Variants in CUL2 observed in about 807,000 individuals in gnomAD.
CUL2 encodes cullin 2.
In CUL2, 22 loss-of-function variants were observed where a neutral mutation model predicts 110.2. The observed-to-expected ratio is 0.20, with a 90% CI of 0.14 to 0.28. The LOEUF is 0.28. Ranked by LOEUF, CUL2 falls within the 10% of genes least tolerant of loss-of-function variation. The pLI, the probability that CUL2 is intolerant of heterozygous loss-of-function variation, is 1.00. For missense variants in CUL2, 631 were observed against 905.5 expected (o/e 0.70, Z 3.89); for synonymous variants, 279 against 293.2 (o/e 0.95, Z 0.49).
intron 3 of CUL2, 34 bp downstream of exon 3, chr10:35,062,926 A>C: frequency 2.6e-6 from 3 of 1,175,574 alleles, no homozygotes; most frequent in Non-Finnish European, 3.8e-6. Context: ...TACAACTATC[A>C]ACATATTTAT....
At chr10:35,050,203 C>T (rs191285118) in intron 5 of CUL2, among the ~76,000 whole-genome samples, 1 of 152,104 alleles carries the variant, frequency 6.6e-6, no homozygotes, top group African/African-American at 2.4e-5. Context: ...CGCCTGTAAT[C>T]CCAGCTACTC....
At chr10:35,035,405 C>A in intron 9 of CUL2, 109 bp from the exon 10 acceptor site, 1 of 1,268,988 alleles carries the variant, frequency 7.9e-7, no homozygotes. Context: ...TGCAGAGCAC[C>A]CAGAGAAAAG....
At chr10:35,055,993 CAG>C (rs564336397) in intron 4 of CUL2, among the ~76,000 whole-genome samples, 143 of 152,342 alleles carry the variant, frequency 9.4e-4, no homozygotes, top group South Asian at 1.7e-3. Context: ...CCCTGAACCC[CAG>C]AGGAGTTAGC....
chr10:35,109,178 A>G (rs1589067492), intron 1 of CUL2, among the ~76,000 whole-genome samples: 1 of 152,220 alleles, frequency 6.6e-6, no homozygotes, highest in Admixed American at 6.5e-5. Context: ...CACCTAGCAG[A>G]AATGGTTAGG....
chr10:35,075,505 A>T (rs2086793637), intron 1 of CUL2, among the ~76,000 whole-genome samples: 1 of 152,072 alleles, frequency 6.6e-6, no homozygotes, highest in Admixed American at 6.6e-5. Context: ...TGTCCCATCA[A>T]GTTAACTGCA....
chr10:35,053,366 ATT>A (rs1033271214), intron 5 of CUL2, among the ~76,000 whole-genome samples: 33 of 152,136 alleles, frequency 2.2e-4, no homozygotes, highest in African/African-American at 7.9e-4. Flanking sequence ...TTGTGTCCAA[ATT>A]TTTTCATAAA....
rs149948299 is a variant in CUL2, at chr10:35,075,321, T to C, written c.-22-3982A>G. On this transcript the variant is annotated intron_variant, in intron 1 of 20. Transcript: ENST00000374749. ...GAAAATTAAGTTTCTTAAAAATGTT[T>C]AATAATAACATTCAGGGAAAGTTTA... Among the ~76,000 whole-genome samples, 666 of 152,232 alleles carry C rather than the reference T, an allele frequency of 4.4e-3. 4 individuals carry two copies. The highest frequency in any genetic ancestry group is 0.015 in the African/African-American group (636 of 41,530).
At chr10:35,016,444 T>A (rs2085035718) in intron 17 of CUL2, 50 bp from the exon 18 acceptor site, 1 of 1,374,196 alleles carries the variant, frequency 7.3e-7, no homozygotes, top group Middle Eastern at 1.8e-4. Flanking sequence ...AAAGAAACAT[T>A]TCAAATTTAC....
chr10:35,097,273 G>T (rs1439117870), intron 2 of CUL2, among the ~76,000 whole-genome samples: 1 of 151,974 alleles, frequency 6.6e-6, no homozygotes, highest in African/African-American at 2.4e-5. Context: ...TTTGGAAAAA[G>T]CAGCCAGATG....
intron 1 of CUL2, among the ~76,000 whole-genome samples, chr10:35,072,610 C>A (rs566898746): frequency 4.6e-5 from 7 of 152,106 alleles, no homozygotes; most frequent in African/African-American, 7.2e-5. Context: ...CCTCGTGATC[C>A]GCCCACCTCG....
At chr10:35,117,879 T>A (rs1027393571) in intron 1 of CUL2, among the ~76,000 whole-genome samples, 2 of 152,236 alleles carry the variant, frequency 1.3e-5, no homozygotes. Context: ...CTTTGTTTTC[T>A]TAATAGACTT....
At chr10:35,055,716 T>C (rs2134882309) in intron 4 of CUL2, among the ~76,000 whole-genome samples, 1 of 152,302 alleles carries the variant, frequency 6.6e-6, no homozygotes, top group Admixed American at 6.5e-5. Context: ...TAGTGTCCTC[T>C]GACCATAAGT....
At chr10:35,102,144 G>T (rs1043797403) in intron 1 of CUL2, among the ~76,000 whole-genome samples, 1 of 152,134 alleles carries the variant, frequency 6.6e-6, no homozygotes, top group Admixed American at 6.6e-5. Flanking sequence ...AAAGGCTGAG[G>T]CAGGAGAATC....
chr10:35,066,605 G>T (rs532739096), intron 2 of CUL2, among the ~76,000 whole-genome samples: 14 of 152,190 alleles, frequency 9.2e-5, no homozygotes, highest in Admixed American at 1.3e-4. Flanking sequence ...CGCCAGATTT[G>T]CTGGCATTTC....
intron 1 of CUL2, among the ~76,000 whole-genome samples, chr10:35,119,462 T>C (rs754509044): frequency 2.6e-5 from 4 of 152,168 alleles, no homozygotes; most frequent in Non-Finnish European, 4.4e-5. Context: ...GGACTAATTT[T>C]AGCTCTCTGT....
upstream of CUL2, among the ~76,000 whole-genome samples, chr10:35,095,468 G>C (rs1210749813): frequency 6.6e-6 from 1 of 152,038 alleles, no homozygotes; most frequent in Non-Finnish European, 1.5e-5. Flanking sequence ...ATACGTATCA[G>C]AACATATAAT....
intron 1 of CUL2, chr10:35,074,242 T>C: frequency 3.3e-6 from 5 of 1,533,094 alleles, no homozygotes; most frequent in Non-Finnish European, 4.4e-6. Context: ...ACAAAGTTTG[T>C]TGTTTCCTTC....
intron 4 of CUL2, among the ~76,000 whole-genome samples, chr10:35,057,865 A>C (rs1293742367): frequency 6.6e-6 from 1 of 151,974 alleles, no homozygotes; most frequent in African/African-American, 2.4e-5. Context: ...AGGCTGAGGC[A>C]GGTGGATCAC....
In CUL2 at chr10:35,016,407, CAA is replaced by C; in HGVS notation, c.1685-15_1685-14del. ...ATTTTAACTTCACCTACAATTAAAA[CAA>C]AAACTGACAGTGAATTGACCATTCA... On this transcript the variant is annotated splice_polypyrimidine_tract_variant and intron_variant, in intron 17 of 20. Transcript: ENST00000374749. 2 of 1,556,034 alleles carry C rather than the reference CAA, an allele frequency of 1.3e-6. No homozygotes were observed. The highest frequency in any genetic ancestry group is 1.8e-6 in the Non-Finnish European group (2 of 1,137,076).
Sources: allele counts gnomAD v4.1 joint callset (sites outside exome capture counted in the v4.1 genomes callset), GRCh38; gene constraint gnomAD v4.1.1; transcripts MANE v1.5; gene names NCBI Gene and HGNC (gene_info 2026-07-23, HGNC 2026-07-21).